Variants in SCYL2 observed in about 807,000 individuals in gnomAD.
SCYL2 encodes SCY1-like protein 2.
In SCYL2, 36 loss-of-function variants were observed where a neutral mutation model predicts 100.4. That is an observed-to-expected ratio of 0.36 (90% confidence interval 0.27 to 0.47). SCYL2 has a LOEUF of 0.47. Among genes scored for constraint, SCYL2 ranks in the 20% least tolerant of loss-of-function variants. The probability of loss-of-function intolerance (pLI) is 1.00; values close to 1 mark genes in which losing one functional copy is unlikely to be tolerated. For missense variants in SCYL2, 902 were observed against 1,083.9 expected (o/e 0.83, Z 2.36); for synonymous variants, 330 against 359.2 (o/e 0.92, Z 0.92).
intron 10 of SCYL2, among the ~76,000 whole-genome samples, chr12:100,320,293 C>G (rs2096354154): frequency 6.6e-6 from 1 of 152,056 alleles, no homozygotes; most frequent in Admixed American, 6.5e-5. Context: ...GCCTGTAATC[C>G]CAGTGCTTTA....
In SCYL2 at chr12:100,336,969, T is replaced by C. The variant is rs555184200; in HGVS notation, c.2026-418T>C. Among the ~76,000 whole-genome samples, 3 of 152,276 alleles carry C rather than the reference T, an allele frequency of 2.0e-5. No individual in the cohort carries two copies. In the South Asian group the frequency reaches 6.2e-4, roughly 32 times the overall value. On this transcript the variant is annotated intron_variant, in intron 16 of 17. Coordinates refer to ENST00000360820, the MANE Select transcript of SCYL2 (RefSeq NM_017988.6). ...ATAAAAGACAAGACATCAAATTTGC[T>C]GTAGACATCAGCAGTGAAAGAACTG...
At chr12:100,271,691 A>T (rs1325414361) in intron 1 of SCYL2, among the ~76,000 whole-genome samples, 1 of 152,212 alleles carries the variant, frequency 6.6e-6, no homozygotes, top group Non-Finnish European at 1.5e-5. Context: ...TGCCAGATGT[A>T]ATTACGGTAA....
rs1196851658 is a variant in SCYL2 at position 100,313,472 on chromosome 12, T to C, written c.903T>C (p.Arg301=). 1 of 1,611,482 alleles carries C rather than the reference T, an allele frequency of 6.2e-7. No individual in the cohort carries two copies. The highest frequency in any genetic ancestry group is 8.5e-7 in the Non-Finnish European group (1 of 1,177,988). Residue 301 remains arginine, a synonymous_variant, in exon 7 of 18, where the codon CGT becomes CGC. Coordinates refer to ENST00000360820, the MANE Select transcript of SCYL2 (RefSeq NM_017988.6). ...TTACAAATATACCTGAGGAAGTTCG[T>C]GAACATGTAAAGCTACTGTTAAATG... ...SSLTNIPEEV[R]EHVKLLLNVT... is the part of the protein sequence containing the mutation.
At position 100,281,019 on chromosome 12, in the gene SCYL2, G is replaced by GTTTTTTTT. The variant is rs202048587; in HGVS notation, c.-28-1902_-28-1895dup. ...ATTTTATTGTCCCTTTACCATCAGT[G>GTTTTTTTT]TTTTTTTTTTTTTTTTTTTTTTTTT... On this transcript the variant is annotated intron_variant, in intron 1 of 17. Coordinates refer to ENST00000360820, the MANE Select transcript of SCYL2 (RefSeq NM_017988.6). Among the ~76,000 whole-genome samples the GTTTTTTTT allele has an allele frequency of 2.4e-4, 12 of 50,492 alleles. 1 individual carries two copies. The highest frequency in any genetic ancestry group is 4.8e-4 in the African/African-American group (7 of 14,522). 33.1% of individuals were successfully genotyped at this position (50,492 alleles called of 152,430 possible).
At chr12:100,273,339 C>G (rs908571855) in intron 1 of SCYL2, among the ~76,000 whole-genome samples, 1 of 152,148 alleles carries the variant, frequency 6.6e-6, no homozygotes, top group Non-Finnish European at 1.5e-5. Context: ...TATTCCTCTT[C>G]TTTTTGTTCC....
In SCYL2 at chr12:100,329,186, A is replaced by C; in HGVS notation, c.1643-15A>C. ...GGTGTTAACTTATAAAATTTGTCACATTCTTTTCTATCAGGTATTTACAAA... is the reference window on the plus strand; with the variant it reads ...GGTGTTAACTTATAAAATTTGTCACCTTCTTTTCTATCAGGTATTTACAAA... On this transcript the variant is annotated splice_polypyrimidine_tract_variant and intron_variant, in intron 12 of 17. Coordinates refer to ENST00000360820, the MANE Select transcript of SCYL2 (RefSeq NM_017988.6). 8.1e-7 allele frequency: 1 copy of C among 1,240,832 alleles called. No individual in the cohort carries two copies. The highest frequency in any genetic ancestry group is 1.2e-5 in the South Asian group (1 of 83,106). The allele number at this position is 1,240,832 out of a possible 1,614,324, so 76.9% of individuals were successfully genotyped here.
Position 100,267,265 on chromosome 12 carries a change from G to A in SCYL2, c.-556G>A. The A allele has an allele frequency of 3.3e-6, 2 of 614,274 alleles. No individual in the cohort carries two copies. The highest frequency in any genetic ancestry group is 2.1e-5 in the South Asian group (1 of 46,556). The allele number at this position is 614,274 out of a possible 1,614,324, so 38.1% of individuals were successfully genotyped here. ...AGCTCCGACGTTTGCGGCCGCGGGG[G>A]CGGCGGAGGATATGGAGTAAAGCCA... On this transcript the variant is annotated 5_prime_UTR_variant, in exon 1 of 18. Coordinates refer to ENST00000360820, the MANE Select transcript of SCYL2 (RefSeq NM_017988.6).
chr12:100,294,583 C>T (rs1213886340), intron 3 of SCYL2, among the ~76,000 whole-genome samples: 2 of 145,394 alleles, frequency 1.4e-5, no homozygotes, highest in Non-Finnish European at 3.1e-5. Context: ...TGACCCCCCA[C>T]CTCCCTCCTG....
intron 3 of SCYL2, among the ~76,000 whole-genome samples, chr12:100,294,922 G>T (rs1222938095): frequency 6.7e-6 from 1 of 149,340 alleles, no homozygotes; most frequent in East Asian, 2.0e-4. Flanking sequence ...CTGGGCGGAG[G>T]GGCTCCTCAC....
At chr12:100,317,424 C>G (rs1293848672) in intron 9 of SCYL2, among the ~76,000 whole-genome samples, 2 of 152,080 alleles carry the variant, frequency 1.3e-5, no homozygotes, top group Non-Finnish European at 2.9e-5. Context: ...CAGTTCTGTA[C>G]TTTCTTTTTC....
intron 3 of SCYL2, 116 bp from the exon 4 acceptor site, chr12:100,297,915 G>A (rs528377887): frequency 7.7e-5 from 65 of 849,402 alleles, no homozygotes; most frequent in African/African-American, 6.7e-4. Context: ...ATTAACAAAT[G>A]TAAAATAGTT....
chr12:100,285,446 G>A (rs79231009), intron 2 of SCYL2, among the ~76,000 whole-genome samples: 6,297 of 152,276 alleles, frequency 0.041, 473 homozygotes, highest in African/African-American at 0.14. Flanking sequence ...TTACCTAGGT[G>A]TGGGATTGCT....
chr12:100,325,057 G>C (rs1188645760), intron 11 of SCYL2, among the ~76,000 whole-genome samples: 1 of 152,050 alleles, frequency 6.6e-6, no homozygotes, highest in Admixed American at 6.6e-5. Context: ...GCGAGACCTC[G>C]TCTCTACTAA....
At chr12:100,271,756 A>T (rs2096287913) in intron 1 of SCYL2, among the ~76,000 whole-genome samples, 1 of 151,992 alleles carries the variant, frequency 6.6e-6, no homozygotes, top group Admixed American at 6.5e-5. Context: ...ATTCTGCTTT[A>T]TAATATTTTA....
In SCYL2 at chr12:100,339,572, T is replaced by C. The variant is rs1163398476; in HGVS notation, c.*400T>C. The C allele has an allele frequency of 1.8e-5, 3 of 162,234 alleles. No homozygotes were observed. The highest frequency in any genetic ancestry group is 1.8e-4 in the Admixed American group (3 of 16,380). The allele number at this position is 162,234 out of a possible 1,614,324, so 10.0% of individuals were successfully genotyped here. A position where few individuals can be genotyped will look rare whatever the true frequency, so the allele number is the denominator to read the frequency against. On this transcript the variant is annotated 3_prime_UTR_variant, in exon 18 of 18. Coordinates refer to ENST00000360820, the MANE Select transcript of SCYL2 (RefSeq NM_017988.6). ...ATTAAGTACTATATGGTACACAGTC[T>C]ATGAGTCATTAGTCTTCATTTTAAT...
chr12:100,318,201 T>C (rs2135911951), intron 10 of SCYL2, among the ~76,000 whole-genome samples: 1 of 152,338 alleles, frequency 6.6e-6, no homozygotes, highest in East Asian at 1.9e-4. Flanking sequence ...ATCAGAAATG[T>C]ACTATTATGG....
intron 13 of SCYL2, among the ~76,000 whole-genome samples, chr12:100,329,979 G>T (rs540121949): frequency 6.6e-6 from 1 of 152,140 alleles, no homozygotes; most frequent in Admixed American, 6.5e-5. Context: ...CTGCTAGCAA[G>T]ACTGAAATTA....
intron 3 of SCYL2, among the ~76,000 whole-genome samples, chr12:100,294,423 G>T (rs2096315161): frequency 8.6e-6 from 1 of 115,924 alleles, no homozygotes; most frequent in Non-Finnish European, 1.8e-5. Flanking sequence ...CGGCTGGCCG[G>T]GCGGGGGGGC....
intron 10 of SCYL2, among the ~76,000 whole-genome samples, chr12:100,318,329 C>CTTTTTTTTTTT (rs1052095844): frequency 2.3e-5 from 3 of 130,968 alleles, no homozygotes; most frequent in African/African-American, 5.8e-5. Context: ...TCTTTTCTTT[C>CTTTTTTTTTTT]TTTTTTTTTT....
Sources: allele counts gnomAD v4.1 joint callset (sites outside exome capture counted in the v4.1 genomes callset), GRCh38; gene constraint gnomAD v4.1.1; transcripts MANE v1.5; gene names NCBI Gene and HGNC (gene_info 2026-07-23, HGNC 2026-07-21).